MPDZ: variants seen among roughly 807,000 people sequenced by gnomAD.
MPDZ encodes multiple PDZ domain crumbs cell polarity complex component, also known as multiple PDZ domain protein.
Under a neutral mutation model 239.1 loss-of-function variants are expected in MPDZ, and 234 were observed. The ratio of observed to expected loss-of-function variants is 0.98; its 90% CI spans 0.88 to 1.09. The LOEUF is 1.09. Among genes scored for constraint, MPDZ ranks in the 50% least tolerant of loss-of-function variants. The pLI, the probability that MPDZ is intolerant of heterozygous loss-of-function variation, is 0.00. For missense variants in MPDZ, 3,175 were observed against 2,510.0 expected, an observed-to-expected ratio of 1.26 and a Z score of -5.66; for synonymous variants, 1,048 against 881.3, an observed-to-expected ratio of 1.19 and a Z score of -3.35.
rs149555598 is a variant in MPDZ at position 13,165,933 on chromosome 9, T to C, written c.3254+2433A>G. Among the ~76,000 whole-genome samples, 1,488 of 152,200 alleles carry C rather than the reference T, an allele frequency of 9.8e-3. 33 individuals are homozygous for C. The highest frequency in any genetic ancestry group is 0.034 in the African/African-American group (1,424 of 41,534). On this transcript the variant is annotated intron_variant, in intron 22 of 46. Transcript: ENST00000319217. ...CTCAAATTATCTACCCATGCATGCA[T>C]GAACACACACACACAAAAGTTCCTA...
chr9:13,106,017 T>C lies in MPDZ; in HGVS notation c.*948A>G, dbSNP rs1438266479. The C allele has an allele frequency of 6.6e-6, 1 of 152,186 alleles. No individual in the cohort carries two copies. Among genetic ancestry groups the C allele is most frequent in the African/African-American group, 2.4e-5 (1 of 41,458 alleles). 9.4% of individuals were successfully genotyped at this position (152,186 alleles called of 1,614,324 possible). On this transcript the variant is annotated 3_prime_UTR_variant, in exon 47 of 47. Coordinates refer to ENST00000319217, the MANE Select transcript of MPDZ (RefSeq NM_001378778.1). ...TTTTTCTATCAATTTACTAATGGCA[T>C]ACAACCAAAATAATTAGTAACACAT...
chr9:13,197,540 T>C (rs1955805197), intron 12 of MPDZ, among the ~76,000 whole-genome samples: 1 of 152,194 alleles, frequency 6.6e-6, no homozygotes, highest in Non-Finnish European at 1.5e-5. Context: ...ATGTATATAA[T>C]GTGTAATGAT....
At chr9:13,167,177 C>T (rs1381639338) in intron 22 of MPDZ, among the ~76,000 whole-genome samples, 4 of 151,908 alleles carry the variant, frequency 2.6e-5, no homozygotes, top group Admixed American at 6.6e-5. Flanking sequence ...TGGCCATAAG[C>T]GGTAAAGAAA....
chr9:13,179,312 T>C (rs967539231), intron 19 of MPDZ, among the ~76,000 whole-genome samples: 8 of 152,276 alleles, frequency 5.3e-5, no homozygotes, highest in African/African-American at 1.7e-4. Context: ...TCCATATTGC[T>C]AAATTGATTA....
At chr9:13,215,753 G>GTTA (rs1958223307) in intron 10 of MPDZ, among the ~76,000 whole-genome samples, 1 of 89,048 alleles carries the variant, frequency 1.1e-5, no homozygotes, top group African/African-American at 4.3e-5. Context: ...TCTATTGCAG[G>GTTA]TTTTTTTTTT....
At chr9:13,279,277 C>A (rs1455764651) in intron 1 of MPDZ, 123 bp downstream of exon 1, 1 of 125,976 alleles carries the variant, frequency 7.9e-6, no homozygotes, top group African/African-American at 2.9e-5. Context: ...CCACCCCCAT[C>A]CCCGCCCCCA....
intron 10 of MPDZ, among the ~76,000 whole-genome samples, chr9:13,214,606 A>C (rs764928765): frequency 2.0e-5 from 3 of 152,040 alleles, no homozygotes; most frequent in Non-Finnish European, 2.9e-5. Context: ...ATTTTTTTAA[A>C]AGTTTTCTAA....
chr9:13,109,221 T>C (rs925398449), intron 45 of MPDZ, among the ~76,000 whole-genome samples, 162 bp from the exon 46 acceptor site: 1 of 152,172 alleles, frequency 6.6e-6, no homozygotes. Flanking sequence ...TGTCAGTGCA[T>C]GCTGTGCTTG....
chr9:13,262,922 T>C (rs540187826), intron 1 of MPDZ, among the ~76,000 whole-genome samples: 2 of 152,166 alleles, frequency 1.3e-5, no homozygotes, highest in East Asian at 1.9e-4. Context: ...TATTCAACAA[T>C]GGATTAAAAG....
Position 13,242,215 on chromosome 9 carries a change from C to CT in MPDZ, c.183+5419dup, listed in dbSNP as rs145555644. On this transcript the variant is annotated intron_variant, in intron 3 of 46. Coordinates refer to ENST00000319217, the MANE Select transcript of MPDZ (RefSeq NM_001378778.1). ...ACTACCTTAATTTTATGTTAGGATG[C>CT]TTTTTTTTTTTTTTTTTTTTTTTTT... 7.7e-3 allele frequency among the ~76,000 whole-genome samples: 391 copies of CT among 50,798 alleles called. 87 individuals are homozygous for CT. The highest frequency in any genetic ancestry group is 0.024 in the African/African-American group (285 of 11,978). The allele number at this position is 50,798 out of a possible 152,430, so 33.3% of individuals were successfully genotyped here.
At position 13,106,976 on chromosome 9, in the gene MPDZ, C is replaced by G; in HGVS notation, c.6202G>C (p.Val2068Leu). The change falls in exon 47 of 47, where the codon GTT becomes CTT. Residue 2068 changes from valine (V) to leucine (L), a missense_variant. By Grantham distance (32) the Val-to-Leu change is conservative. Transcript: ENST00000319217. Reference protein sequence around the residue: ...KRTKGTVTLMVLS With the variant: ...KRTKGTVTLMLLS ...TTCTGGCAGCCAATTCAAGAGAGAA[C>G]CATCAAAGTGACAGTGCCTTTTGTC... is the stretch of plus-strand genomic sequence containing the variant. 6.2e-7 allele frequency: 1 copy of G among 1,613,516 alleles called. No individual in the cohort carries two copies. The highest frequency in any genetic ancestry group is 8.5e-7 in the Non-Finnish European group (1 of 1,179,524).
At chr9:13,247,543 C>T in intron 3 of MPDZ, 92 bp downstream of exon 3, 1 of 1,381,074 alleles carries the variant, frequency 7.2e-7, no homozygotes, top group Non-Finnish European at 9.9e-7. Flanking sequence ...TATTCATTAA[C>T]ACATAGAAAA....
intron 18 of MPDZ, among the ~76,000 whole-genome samples, chr9:13,185,858 A>T (rs1236745387): frequency 6.6e-6 from 1 of 152,138 alleles, no homozygotes; most frequent in Admixed American, 6.6e-5. Context: ...AATTTATATG[A>T]TTCTCACACT....
chr9:13,163,276 T>C (rs1053451277), intron 22 of MPDZ, among the ~76,000 whole-genome samples: 1 of 152,214 alleles, frequency 6.6e-6, no homozygotes, highest in African/African-American at 2.4e-5. Flanking sequence ...TTCTAGAGAT[T>C]AACAAGCATT....
Position 13,179,395 on chromosome 9 carries a change from T to C in MPDZ, c.2650-2978A>G, listed in dbSNP as rs553366598. ...AATTGCTTTTCATTAGCAAAAGAGG[T>C]CAAGTCGCCCTTGTTAGCTGGGGTG... On this transcript the variant is annotated intron_variant, in intron 19 of 46. Transcript: ENST00000319217. 2.9e-4 allele frequency among the ~76,000 whole-genome samples: 44 copies of C among 152,222 alleles called. No homozygotes were observed. In the South Asian group the frequency reaches 5.4e-3, roughly 19 times the overall value.
At chr9:13,122,917 T>G (rs990966576) in intron 36 of MPDZ, among the ~76,000 whole-genome samples, 12 of 152,194 alleles carry the variant, frequency 7.9e-5, no homozygotes, top group Non-Finnish European at 2.9e-5. Flanking sequence ...CTTTGAAATT[T>G]CAAGATCAAA....
At chr9:13,123,344 A>G (rs1169066850) in intron 35 of MPDZ, 46 bp from the exon 36 acceptor site, 1 of 1,517,116 alleles carries the variant, frequency 6.6e-7, no homozygotes, top group Admixed American at 1.9e-5. Flanking sequence ...TTGGTTACTA[A>G]GGCATATCCA....
intron 1 of MPDZ, among the ~76,000 whole-genome samples, chr9:13,274,145 T>A (rs1973635409): frequency 6.6e-6 from 1 of 152,194 alleles, no homozygotes; most frequent in South Asian, 2.1e-4. Context: ...TTTTCACTTG[T>A]ATCTTCCATA....
In MPDZ at chr9:13,204,927, T is replaced by A. The variant is rs1402859192; in HGVS notation, c.1546+109A>T. 2.7e-5 allele frequency: 18 copies of A among 675,108 alleles called. No homozygotes were observed. In the East Asian group the frequency reaches 5.8e-4, roughly 22 times the overall value. 41.8% of individuals were successfully genotyped at this position (675,108 alleles called of 1,614,324 possible). ...TTTACAAACTTCACTTTTTGAAATTTTTTTTAGTAACTTACAATATATCCA... is the reference window on the plus strand; with the variant it reads ...TTTACAAACTTCACTTTTTGAAATTATTTTTAGTAACTTACAATATATCCA... On this transcript the variant is annotated intron_variant, in intron 12 of 46. Coordinates refer to ENST00000319217, the MANE Select transcript of MPDZ (RefSeq NM_001378778.1).
Sources: allele counts gnomAD v4.1 joint callset (sites outside exome capture counted in the v4.1 genomes callset), GRCh38; gene constraint gnomAD v4.1.1; transcripts MANE v1.5; gene names NCBI Gene and HGNC (gene_info 2026-07-23, HGNC 2026-07-21).